Variants in NPAS2 observed in about 807,000 individuals in gnomAD.
NPAS2 encodes neuronal PAS domain protein 2, also known as neuronal PAS domain-containing protein 2.
NPAS2 carries 23 observed loss-of-function variants against 107.5 expected under a neutral mutation model. The observed-to-expected ratio is 0.21, with a 90% confidence interval of 0.15 to 0.30. The LOEUF is 0.30. Ranked by LOEUF, NPAS2 falls within the 10% of genes least tolerant of loss-of-function variation. NPAS2 has a pLI of 1.00. For synonymous variants in NPAS2, 403 were observed against 417.5 expected, an observed-to-expected ratio of 0.97 and a Z score of 0.42; for missense variants, 756 against 1,043.3, an observed-to-expected ratio of 0.72 and a Z score of 3.79.
In NPAS2 at chr2:100,925,223, C is replaced by T. The variant is rs200029671; in HGVS notation, c.110C>T (p.Pro37Leu). Residue 37 changes from proline (P) to leucine (L), a missense_variant, in exon 3 of 21, where the codon CCT becomes CTT. By Grantham distance (98) the Pro-to-Leu change is moderately conservative (BLOSUM62 -3). This residue lies in a region of NPAS2 where 146 missense variants were observed against 249.6 expected (regional missense o/e 0.58). Transcript: ENST00000335681. ...VLIKELSSML[P>L]GNTRKMDKTT... Reference sequence around the variant, plus strand: ...ATCAAAGAGCTCAGTTCCATGCTCCCTGGCAACACGCGGAAAATGGACAAA... The same window carrying T: ...ATCAAAGAGCTCAGTTCCATGCTCCTTGGCAACACGCGGAAAATGGACAAA... The T allele has an allele frequency of 6.2e-7, 1 of 1,614,156 alleles. No homozygotes were observed.
intron 1 of NPAS2, among the ~76,000 whole-genome samples, chr2:100,890,721 C>A (rs1254903229): frequency 6.6e-6 from 1 of 152,152 alleles, no homozygotes; most frequent in Non-Finnish European, 1.5e-5. Flanking sequence ...GATACTTTAA[C>A]AGTGAATATG....
chr2:100,964,210 C>G lies in NPAS2; in HGVS notation c.717+34C>G, dbSNP rs1239004628. On this transcript the variant is annotated intron_variant, in intron 8 of 20. Coordinates refer to ENST00000335681, the MANE Select transcript of NPAS2 (RefSeq NM_002518.4). ...CTGAGAGGCAGTTCATTGTGCGGAG[C>G]TGTTATGATTGACTCACATTTTGTT... 3 of 1,326,358 alleles carry G rather than the reference C, an allele frequency of 2.3e-6. No individual in the cohort carries two copies. In the East Asian group the frequency reaches 6.9e-5, roughly 30 times the overall value. 82.2% of individuals were successfully genotyped at this position (1,326,358 alleles called of 1,614,324 possible). A position where few individuals can be genotyped will look rare whatever the true frequency, so the allele number is the denominator to read the frequency against.
At chr2:100,947,521 C>T (rs1674973093) in intron 5 of NPAS2, among the ~76,000 whole-genome samples, 1 of 150,118 alleles carries the variant, frequency 6.7e-6, no homozygotes, top group South Asian at 2.1e-4. Flanking sequence ...CATTGCACTC[C>T]AGCCTGGGCA....
chr2:100,922,318 G>T (rs902699145), intron 2 of NPAS2, among the ~76,000 whole-genome samples: 1 of 152,134 alleles, frequency 6.6e-6, no homozygotes, highest in South Asian at 2.1e-4. Flanking sequence ...GGTGGCTCAT[G>T]CCTGTAATCC....
chr2:100,903,685 G>C (rs1475766531), intron 1 of NPAS2, among the ~76,000 whole-genome samples: 2 of 152,126 alleles, frequency 1.3e-5, no homozygotes, highest in Non-Finnish European at 2.9e-5. Flanking sequence ...CTTCTCCATG[G>C]TCCCCACCTT....
chr2:100,948,936 G>C (rs576709490), intron 6 of NPAS2, among the ~76,000 whole-genome samples: 7 of 152,138 alleles, frequency 4.6e-5, no homozygotes, highest in Non-Finnish European at 8.8e-5. Flanking sequence ...AGGTAGCAAA[G>C]CTGCTTGCAT....
At chr2:100,917,553 T>A (rs1626595) in intron 2 of NPAS2, among the ~76,000 whole-genome samples, 130,724 of 152,030 alleles carry the variant, frequency 0.86, 56,317 homozygotes, top group East Asian at 1. Flanking sequence ...ATAATAAAAG[T>A]TCAATAAAAT....
At chr2:100,886,283 T>C (rs1045890871) in intron 1 of NPAS2, among the ~76,000 whole-genome samples, 25 of 152,336 alleles carry the variant, frequency 1.6e-4, no homozygotes, top group African/African-American at 6.0e-4. Flanking sequence ...CTTCAGCTCT[T>C]CAGGAAAACA....
At chr2:100,925,559 G>A (rs557446928) in intron 3 of NPAS2, among the ~76,000 whole-genome samples, 2 of 152,268 alleles carry the variant, frequency 1.3e-5, no homozygotes, top group East Asian at 1.9e-4. Context: ...CCGAAGCAGC[G>A]TGGCATTCAC....
At chr2:100,891,244 A>G (rs1236317661) in intron 1 of NPAS2, among the ~76,000 whole-genome samples, 2 of 151,904 alleles carry the variant, frequency 1.3e-5, no homozygotes, top group Admixed American at 6.6e-5. Context: ...AAAAAAAAAA[A>G]AAGAAGTGAG....
chr2:100,967,140 A>G (rs966129905), intron 10 of NPAS2, among the ~76,000 whole-genome samples: 4 of 151,384 alleles, frequency 2.6e-5, no homozygotes, highest in Admixed American at 6.6e-5. Context: ...AGGCTTCTCC[A>G]TGGCTTGGGC....
At chr2:100,878,701 C>A in intron 1 of NPAS2, 1 of 656,014 alleles carries the variant, frequency 1.5e-6, no homozygotes, top group South Asian at 6.8e-5. Context: ...TAGATTCTCA[C>A]TGATACCCAA....
chr2:100,919,797 A>G (rs528671749), intron 2 of NPAS2, among the ~76,000 whole-genome samples: 3 of 152,006 alleles, frequency 2.0e-5, no homozygotes, highest in African/African-American at 7.3e-5. Context: ...TCCACCCCTG[A>G]CTATGCACCC....
intron 1 of NPAS2, among the ~76,000 whole-genome samples, chr2:100,839,761 T>G (rs2104412714): frequency 6.6e-6 from 1 of 152,314 alleles, no homozygotes; most frequent in South Asian, 2.1e-4. Context: ...TCGAATTTTT[T>G]ATGCTTTCAT....
At chr2:100,952,872 A>T (rs1414975632) in intron 7 of NPAS2, among the ~76,000 whole-genome samples, 1 of 148,842 alleles carries the variant, frequency 6.7e-6, no homozygotes, top group East Asian at 1.9e-4. Flanking sequence ...TTTTTTTGGA[A>T]ACTATTACTG....
intron 1 of NPAS2, among the ~76,000 whole-genome samples, chr2:100,832,976 T>C (rs911440754): frequency 5.9e-5 from 9 of 152,216 alleles, no homozygotes; most frequent in Non-Finnish European, 1.0e-4. Flanking sequence ...TGTGCTTCCC[T>C]GAGGCGATGT....
intron 1 of NPAS2, among the ~76,000 whole-genome samples, chr2:100,864,217 T>C (rs1327929394): frequency 6.6e-6 from 1 of 152,220 alleles, no homozygotes; most frequent in African/African-American, 2.4e-5. Flanking sequence ...ATTTGTATGT[T>C]GGTTTTGTAG....
chr2:100,880,787 G>A (rs55707008), intron 1 of NPAS2, among the ~76,000 whole-genome samples: 5,935 of 152,252 alleles, frequency 0.039, 227 homozygotes, highest in African/African-American at 0.097. Flanking sequence ...AATAATCTGA[G>A]GGCTGTCATT....
intron 1 of NPAS2, among the ~76,000 whole-genome samples, chr2:100,838,685 T>C (rs546541333): frequency 9.2e-5 from 14 of 152,300 alleles, no homozygotes; most frequent in African/African-American, 3.1e-4. Flanking sequence ...GAGAAGTGAC[T>C]GACTTTACAT....
Sources: allele counts gnomAD v4.1 joint callset (sites outside exome capture counted in the v4.1 genomes callset), GRCh38; gene constraint gnomAD v4.1.1; regional missense constraint gnomAD v4.1.1; transcripts MANE v1.5; gene names NCBI Gene and HGNC (gene_info 2026-07-23, HGNC 2026-07-21).